The following RGS12 variants were observed in gnomAD, a reference collection of about 807,000 sequenced individuals.
RGS12 encodes regulator of G protein signaling 12.
In RGS12, 66 loss-of-function variants were observed where a neutral mutation model predicts 120.1. The observed-to-expected ratio is 0.55, with a 90% CI of 0.45 to 0.67. The LOEUF (loss-of-function observed/expected upper bound fraction) is 0.67, where lower values mean the gene tolerates loss of function less well. RGS12 is among the 30% of genes least tolerant of loss of function. The pLI is 0.00. For missense variants in RGS12, 1,859 were observed against 1,957.7 expected (o/e 0.95, Z 0.95); for synonymous variants, 827 against 804.7 (o/e 1.03, Z -0.47).
intron 2 of RGS12, among the ~76,000 whole-genome samples, chr4:3,322,456 A>G (rs956045082): frequency 1.3e-5 from 2 of 152,220 alleles, no homozygotes; most frequent in Non-Finnish European, 2.9e-5. Context: ...TGTGACTAAC[A>G]AAAGGGGCTG....
At chr4:3,299,679 A>G (rs1025918459) in intron 1 of RGS12, among the ~76,000 whole-genome samples, 1 of 152,228 alleles carries the variant, frequency 6.6e-6, no homozygotes, top group African/African-American at 2.4e-5. Context: ...CAGTTAAAAG[A>G]AAGTTCTTCC....
At position 3,374,679 on chromosome 4, in the gene RGS12, C is replaced by T. The variant is rs1214240886; in HGVS notation, c.1999-11737C>T. ...CTCCACGTCAGCAAGCTCCTGGGCT[C>T]GGCCTTCAAAATCCCTGAGTTTACA... On this transcript the variant is annotated intron_variant, in intron 3 of 17. Coordinates refer to ENST00000336727, the MANE Select transcript of RGS12 (RefSeq NM_001394154.1). This position sits in a 1 kb window ranked among gnomAD's most constrained non-coding sequence, Gnocchi z 6.3. Among the ~76,000 whole-genome samples the T allele has an allele frequency of 6.6e-6, 1 of 151,954 alleles. No individual in the cohort carries two copies. Among genetic ancestry groups the T allele is most frequent in the Non-Finnish European group, 1.5e-5 (1 of 67,966 alleles).
At chr4:3,405,474 G>T (rs1721010367) in intron 4 of RGS12, among the ~76,000 whole-genome samples, 1 of 152,204 alleles carries the variant, frequency 6.6e-6, no homozygotes, top group Non-Finnish European at 1.5e-5. Context: ...ACCACAGAGA[G>T]GCTGGGGAAC....
At chr4:3,439,083 G>A (rs1680127700) in intron 17 of RGS12, among the ~76,000 whole-genome samples, 1 of 152,042 alleles carries the variant, frequency 6.6e-6, no homozygotes, top group African/African-American at 2.4e-5. Flanking sequence ...ATGGGCCCTG[G>A]GCCTGGGGGG....
At chr4:3,401,814 A>G (rs1475024855) in intron 4 of RGS12, among the ~76,000 whole-genome samples, 1 of 152,278 alleles carries the variant, frequency 6.6e-6, no homozygotes, top group African/African-American at 2.4e-5. Flanking sequence ...CCGCATGCTC[A>G]CCTTAAACTT....
At chr4:3,396,270 C>T (rs1323495296) in intron 4 of RGS12, among the ~76,000 whole-genome samples, 1 of 152,162 alleles carries the variant, frequency 6.6e-6, no homozygotes, top group Non-Finnish European at 1.5e-5. Flanking sequence ...TGTTCATTCT[C>T]TTAGTGGTAT....
chr4:3,343,110 C>G, intron 3 of RGS12, 57 bp downstream of exon 3: 3 of 1,275,448 alleles, frequency 2.4e-6, no homozygotes, highest in East Asian at 2.3e-5. Context: ...AATGCAAGTC[C>G]ACCTTGCAGA....
intron 4 of RGS12, among the ~76,000 whole-genome samples, chr4:3,401,051 C>T (rs983377014): frequency 3.3e-5 from 5 of 152,096 alleles, no homozygotes; most frequent in Admixed American, 2.6e-4. Flanking sequence ...TATACAAAAC[C>T]GAAAGCATAG....
In RGS12 at chr4:3,316,161, G is replaced by T; in HGVS notation, c.-10G>T. ...ATGAGACGTGCTCTTGGTCTTGGAA[G>T]CTCATCAGAATGTTTAGAGCTGGGG... On this transcript the variant is annotated 5_prime_UTR_variant, in exon 2 of 18. Transcript: ENST00000336727. 6.5e-7 allele frequency: 1 copy of T among 1,530,742 alleles called. No individual in the cohort carries two copies. Among genetic ancestry groups the T allele is most frequent in the South Asian group, 1.3e-5 (1 of 76,248 alleles). The allele number at this position is 1,530,742 out of a possible 1,614,324, so 94.8% of individuals were successfully genotyped here. A position where few individuals can be genotyped will look rare whatever the true frequency, so the allele number is the denominator to read the frequency against.
intron 2 of RGS12, chr4:3,342,603 C>A: frequency 7.6e-7 from 1 of 1,319,888 alleles, no homozygotes; most frequent in Non-Finnish European, 9.9e-7. Context: ...TTCCAAGCAC[C>A]CTTGCACGTG....
chr4:3,294,749 G>T lies in RGS12; in HGVS notation c.-102+1650G>T, dbSNP rs1481078924. On this transcript the variant is annotated intron_variant, in intron 1 of 17. Coordinates refer to ENST00000336727, the MANE Select transcript of RGS12 (RefSeq NM_001394154.1). ...CTCCTGAGGCTGGAACCTGCCATCA[G>T]ACAGGCTTACAGTTCTAGCCCTGGT... is the stretch of plus-strand genomic sequence containing the variant. 6.6e-5 allele frequency among the ~76,000 whole-genome samples: 10 copies of T among 152,354 alleles called. No individual in the cohort carries two copies. The East Asian group carries it at 1.5e-3, about 23-fold the overall frequency.
chr4:3,430,987 C>T lies in RGS12; in HGVS notation c.4114+32C>T, dbSNP rs75030911. ...CCAGGTTCTGATCCCTCCACCTTGG[C>T]CCCGTAAGCGTGGTCTGCTCAGCTT... On this transcript the variant is annotated intron_variant, in intron 17 of 17. Coordinates refer to ENST00000336727, the MANE Select transcript of RGS12 (RefSeq NM_001394154.1). 4 of 1,605,750 alleles carry T rather than the reference C, an allele frequency of 2.5e-6. No individual in the cohort carries two copies. The African/African-American group carries it at 4.0e-5, about 16-fold the overall frequency.
the RGS12 span, among the ~76,000 whole-genome samples, chr4:3,287,792 C>T: frequency 2.0e-5 from 3 of 152,226 alleles, no homozygotes; most frequent in Non-Finnish European, 4.4e-5. Flanking sequence ...GGCTGCCCCA[C>T]CTGGAAGGTA....
chr4:3,383,724 A>C (rs1718512620), intron 3 of RGS12, among the ~76,000 whole-genome samples: 1 of 152,240 alleles, frequency 6.6e-6, no homozygotes. Flanking sequence ...GCATCCGTGC[A>C]CTGTCTTAGA....
intron 1 of RGS12, among the ~76,000 whole-genome samples, chr4:3,309,690 A>ATGGCAGGTGT (rs1724231019): frequency 1.0e-5 from 1 of 95,258 alleles, no homozygotes; most frequent in Non-Finnish European, 2.2e-5. Flanking sequence ...GCTGAGGGGA[A>ATGGCAGGTGT]CCGTGCAGGG....
chr4:3,346,954 T>G (rs1713853154), intron 3 of RGS12, among the ~76,000 whole-genome samples: 1 of 152,088 alleles, frequency 6.6e-6, no homozygotes, highest in East Asian at 1.9e-4. Context: ...ACAGAACCAC[T>G]GGTCTCAGTT....
At chr4:3,323,296 T>C (rs1269343400) in intron 2 of RGS12, among the ~76,000 whole-genome samples, 1 of 152,208 alleles carries the variant, frequency 6.6e-6, no homozygotes, top group Admixed American at 6.5e-5. Flanking sequence ...CACCATTTGT[T>C]CATGACGACA....
rs1467819384 is a variant in RGS12 at position 3,306,476 on chromosome 4, CCT to C, written c.-101-9593_-101-9592del. ...CGATAAGCGGCACAGCCTTTCCACC[CCT>C]GTTTCATCTAAATTTCTTTAGCATA... is the stretch of plus-strand genomic sequence containing the variant. On this transcript the variant is annotated intron_variant, in intron 1 of 17. Transcript: ENST00000336727. Among the ~76,000 whole-genome samples, 29 of 152,330 alleles carry C rather than the reference CCT, an allele frequency of 1.9e-4. 1 individual carries two copies. The East Asian group carries it at 2.1e-3, about 11-fold the overall frequency.
Position 3,343,113 on chromosome 4 carries a change from C to T in RGS12, c.1998+60C>T. On this transcript the variant is annotated intron_variant, in intron 3 of 17. Transcript: ENST00000336727. ...CAAGTTTTAAAAAATGCAAGTCCAC[C>T]TTGCAGATACGTCTGGCTGTTTTTT... 4 of 1,236,556 alleles carry T rather than the reference C, an allele frequency of 3.2e-6. No individual in the cohort carries two copies. In the South Asian group the frequency reaches 5.0e-5, roughly 15 times the overall value. The allele number at this position is 1,236,556 out of a possible 1,614,324, so 76.6% of individuals were successfully genotyped here. A position where few individuals can be genotyped will look rare whatever the true frequency, so the allele number is the denominator to read the frequency against.
Sources: gnomAD v4.1 joint callset for allele counts (sites outside exome capture counted in the v4.1 genomes callset) on GRCh38, gnomAD v4.1.1 for gene constraint, Gnocchi (gnomAD v3.1) non-coding constraint, MANE v1.5 for transcripts, NCBI Gene and HGNC (gene_info 2026-07-23, HGNC 2026-07-21) for gene names.